CCDC18: variants seen among roughly 807,000 people sequenced by gnomAD.
CCDC18 encodes coiled-coil domain-containing protein 18.
In CCDC18, 157 loss-of-function variants were observed where a neutral mutation model predicts 196.0. The observed-to-expected ratio is 0.80, with a 90% CI of 0.70 to 0.91. The LOEUF (loss-of-function observed/expected upper bound fraction) is 0.91. Among genes scored for constraint, CCDC18 ranks in the 40% least tolerant of loss-of-function variants. The probability of loss-of-function intolerance (pLI) is 0.00; values close to 1 mark genes in which losing one functional copy is unlikely to be tolerated. For missense variants in CCDC18, 1,465 were observed against 1,611.6 expected, an observed-to-expected ratio of 0.91 and a Z score of 1.56; for synonymous variants, 482 against 529.2, an observed-to-expected ratio of 0.91 and a Z score of 1.22.
chr1:93,241,723 C>CAAAAAAAA (rs35810581), intron 21 of CCDC18, among the ~76,000 whole-genome samples: 13 of 59,908 alleles, frequency 2.2e-4, no homozygotes, highest in Admixed American at 6.1e-4. Context: ...GACTCCATCT[C>CAAAAAAAA]AAAAAAAAAA....
rs1570662598 is a variant in CCDC18, at chr1:93,270,725, A to G, written c.4264A>G (p.Asn1422Asp). 7.7e-6 allele frequency: 12 copies of G among 1,550,332 alleles called. No homozygotes were observed. The highest frequency in any genetic ancestry group is 1.0e-5 in the Non-Finnish European group (12 of 1,146,854). ...TGATAGTTCTGAGAATAATGACTTT[A>G]ACACGCTTAGTGGGATGCTAAGATA... is the stretch of plus-strand genomic sequence containing the variant. ...EADSSENNDFNTLSGMLRYIN... is the reference protein window; with the variant it reads ...EADSSENNDFDTLSGMLRYIN... The change falls in exon 28 of 29, where the codon AAC becomes GAC. Residue 1422 changes from asparagine to aspartate, a missense_variant. Coordinates refer to ENST00000690025, the MANE Select transcript of CCDC18 (RefSeq NM_001378204.1).
At chr1:93,222,789 C>T (rs1449558748) in intron 16 of CCDC18, among the ~76,000 whole-genome samples, 1 of 152,170 alleles carries the variant, frequency 6.6e-6, no homozygotes, top group East Asian at 1.9e-4. Flanking sequence ...AGTTTTGTAA[C>T]TAACTGCTAT....
chr1:93,205,557 A>C lies in CCDC18; in HGVS notation c.843A>C (p.Glu281Asp), dbSNP rs1260875141. ...TAGAGAGAAATCTAACTAACTGTGA[A>C]AAAGAAAATAAAAGGCTACAAGAAA... ...EILERNLTNC[E>D]KENKRLQERC... is the part of the protein sequence containing the mutation. Residue 281 changes from glutamate to aspartate, a missense_variant, in exon 8 of 29, where the codon GAA becomes GAC. By Grantham distance (45) the Glu-to-Asp change is conservative (BLOSUM62 2). Coordinates refer to ENST00000690025, the MANE Select transcript of CCDC18 (RefSeq NM_001378204.1). 1 of 1,590,880 alleles carries C rather than the reference A, an allele frequency of 6.3e-7. No individual in the cohort carries two copies. Among genetic ancestry groups the C allele is most frequent in the East Asian group, 2.2e-5 (1 of 44,550 alleles).
intron 28 of CCDC18, among the ~76,000 whole-genome samples, chr1:93,276,822 C>T (rs532176151): frequency 1.3e-5 from 2 of 151,440 alleles, no homozygotes; most frequent in African/African-American, 2.4e-5. Flanking sequence ...GGGTGTTTCT[C>T]GTAAGGTGGG....
chr1:93,241,658 G>T (rs569030476), intron 21 of CCDC18, among the ~76,000 whole-genome samples: 1 of 140,060 alleles, frequency 7.1e-6, no homozygotes, highest in African/African-American at 2.7e-5. Context: ...GGAGGTGGAG[G>T]TTGCAATGAG....
chr1:93,270,861 A>G (rs1220709788), intron 28 of CCDC18, 47 bp downstream of exon 28: 3 of 1,383,746 alleles, frequency 2.2e-6, no homozygotes, highest in South Asian at 3.7e-5. Flanking sequence ...TTTCCAAAGA[A>G]TATCATTTTA....
Position 93,184,076 on chromosome 1 carries a change from A to G in CCDC18, c.233A>G (p.Tyr78Cys). 6.3e-7 allele frequency: 1 copy of G among 1,584,628 alleles called. No homozygotes were observed. The highest frequency in any genetic ancestry group is 8.6e-7 in the Non-Finnish European group (1 of 1,161,872). ...CCTAGCCACCCTGGACTTTTGAATT[A>G]TTCACCTTATGAAAACGTCTGTAAA... is the stretch of plus-strand genomic sequence containing the variant. ...VQPSHPGLLNYSPYENVCKIS... is the reference protein window; with the variant it reads ...VQPSHPGLLNCSPYENVCKIS... The change falls in exon 3 of 29, where the codon TAT becomes TGT. Residue 78 changes from tyrosine (Y) to cysteine (C), a missense_variant. Physicochemically the swap from Tyr to Cys is radical, Grantham distance 194. Transcript: ENST00000690025.
Position 93,193,613 on chromosome 1 carries a change from T to C in CCDC18, c.570-3T>C, listed in dbSNP as rs770193461. ...CTTAAACAAAGTATCCTTTATTTTA[T>C]AGAGAGGCAGAAAATAAGCTGGAAC... On this transcript the variant is annotated splice_region_variant and splice_polypyrimidine_tract_variant and intron_variant, in intron 5 of 28. Coordinates refer to ENST00000690025, the MANE Select transcript of CCDC18 (RefSeq NM_001378204.1). The C allele has an allele frequency of 1.8e-5, 29 of 1,570,706 alleles. No homozygotes were observed. The highest frequency in any genetic ancestry group is 2.3e-5 in the Non-Finnish European group (27 of 1,161,052).
chr1:93,264,234 C>T (rs1434177900), intron 26 of CCDC18, among the ~76,000 whole-genome samples: 1 of 152,108 alleles, frequency 6.6e-6, no homozygotes, highest in Non-Finnish European at 1.5e-5. Context: ...CAGGTTGCTC[C>T]TTTGACATAC....
intron 26 of CCDC18, 145 bp from the exon 27 acceptor site, chr1:93,264,556 G>T: frequency 1.9e-6 from 1 of 534,286 alleles, no homozygotes; most frequent in Non-Finnish European, 3.3e-6. Context: ...AGTATTCATT[G>T]AGAAATCAGA....
At chr1:93,201,534 A>G (rs1158964328) in intron 6 of CCDC18, among the ~76,000 whole-genome samples, 1 of 152,204 alleles carries the variant, frequency 6.6e-6, no homozygotes, top group Non-Finnish European at 1.5e-5. Flanking sequence ...TCTAGACAAT[A>G]GACTGATTCT....
At chr1:93,236,060 T>C (rs916488173) in intron 18 of CCDC18, among the ~76,000 whole-genome samples, 188 bp from the exon 19 acceptor site, 18 of 152,200 alleles carry the variant, frequency 1.2e-4, no homozygotes, top group Non-Finnish European at 2.4e-4. Context: ...CTTCCCTAAA[T>C]AGTAATATGT....
chr1:93,233,831 T>C (rs1353652097), intron 18 of CCDC18, among the ~76,000 whole-genome samples: 2 of 152,096 alleles, frequency 1.3e-5, no homozygotes, highest in African/African-American at 4.8e-5. Flanking sequence ...CTCCCTTCTC[T>C]GGTGATCCAC....
At chr1:93,220,834 T>A (rs1461878449) in intron 14 of CCDC18, among the ~76,000 whole-genome samples, 1 of 152,134 alleles carries the variant, frequency 6.6e-6, no homozygotes, top group Non-Finnish European at 1.5e-5. Flanking sequence ...CATGTCTTCG[T>A]GTGTTCTCAT....
chr1:93,196,094 A>G (rs1652669747), intron 6 of CCDC18, among the ~76,000 whole-genome samples: 1 of 152,190 alleles, frequency 6.6e-6, no homozygotes. Context: ...GGGCCGAGAT[A>G]GGTGGATCAC....
intron 4 of CCDC18, among the ~76,000 whole-genome samples, chr1:93,187,223 A>G (rs1327400746): frequency 1.3e-5 from 2 of 151,996 alleles, no homozygotes; most frequent in Non-Finnish European, 2.9e-5. Flanking sequence ...AATGAGGCAA[A>G]TATACTAGTA....
At chr1:93,230,563 A>G (rs1431443858) in intron 17 of CCDC18, among the ~76,000 whole-genome samples, 1 of 152,114 alleles carries the variant, frequency 6.6e-6, no homozygotes, top group African/African-American at 2.4e-5. Context: ...TGTAAGTTTG[A>G]TAGATATATG....
chr1:93,207,440 T>C, intron 9 of CCDC18, 42 bp downstream of exon 9: 2 of 1,422,154 alleles, frequency 1.4e-6, no homozygotes, highest in Admixed American at 4.6e-5. Context: ...AGAATTTTAC[T>C]AAAGTGTTTT....
At chr1:93,252,819 G>A (rs1465762697) in intron 23 of CCDC18, among the ~76,000 whole-genome samples, 1 of 152,234 alleles carries the variant, frequency 6.6e-6, no homozygotes, top group Non-Finnish European at 1.5e-5. Context: ...CTGAGGCTGT[G>A]ATCACTGCAG....
Sources: allele counts gnomAD v4.1 joint callset (sites outside exome capture counted in the v4.1 genomes callset), GRCh38; gene constraint gnomAD v4.1.1; transcripts MANE v1.5; gene names NCBI Gene and HGNC (gene_info 2026-07-23, HGNC 2026-07-21).